The following OPCML variants were observed in gnomAD, a reference collection of about 807,000 sequenced individuals.
OPCML encodes the protein opioid-binding protein/cell adhesion molecule.
Under a neutral mutation model 37.8 loss-of-function variants are expected in OPCML, and 13 were observed. The observed-to-expected ratio is 0.34, with a 90% CI of 0.22 to 0.55. The LOEUF (loss-of-function observed/expected upper bound fraction) is 0.55, where lower values mean the gene tolerates loss of function less well. Among genes scored for constraint, OPCML ranks in the 20% least tolerant of loss-of-function variants. The pLI, the probability that OPCML is intolerant of heterozygous loss-of-function variation, is 0.91. For missense variants in OPCML, 341 were observed against 435.6 expected (o/e 0.78, Z 1.93); for synonymous variants, 176 against 168.8 (o/e 1.04, Z -0.33).
intron 2 of OPCML, among the ~76,000 whole-genome samples, chr11:132,862,404 G>T (rs182254826): frequency 1.3e-5 from 2 of 151,674 alleles, no homozygotes; most frequent in South Asian, 4.2e-4. Context: ...AAAGTGGTAC[G>T]GCAATCCTTA....
At chr11:133,015,275 T>A (rs1433207750) in intron 1 of OPCML, among the ~76,000 whole-genome samples, 3 of 150,282 alleles carry the variant, frequency 2.0e-5, no homozygotes, top group Non-Finnish European at 4.4e-5. Context: ...TTGGCTTCTG[T>A]GTTGGGTAGA....
In OPCML at chr11:133,307,861, TA is replaced by T. The variant is rs1268622943; in HGVS notation, c.61+224402del. Among the ~76,000 whole-genome samples, 243 of 137,614 alleles carry T rather than the reference TA, an allele frequency of 1.8e-3. 5 individuals are homozygous for T. The highest frequency in any genetic ancestry group is 0.012 in the Middle Eastern group (3 of 256). The allele number at this position is 137,614 out of a possible 152,430, so 90.3% of individuals were successfully genotyped here. Reference sequence around the variant, plus strand: ...CTCTTGTTTCCAAGTTTTTTTTTTTTAAATTTTACCTCCCAAGCAAGTTATC... The same window carrying T: ...CTCTTGTTTCCAAGTTTTTTTTTTTTAATTTTACCTCCCAAGCAAGTTATC... On this transcript the variant is annotated intron_variant, in intron 1 of 7. Transcript: ENST00000524381.
intron 1 of OPCML, among the ~76,000 whole-genome samples, chr11:133,393,406 T>C (rs926649203): frequency 1.3e-5 from 2 of 152,228 alleles, no homozygotes; most frequent in African/African-American, 4.8e-5. Flanking sequence ...GGTGACCTTA[T>C]AGACCACAGA....
chr11:132,984,834 G>C (rs1011533867), intron 1 of OPCML, among the ~76,000 whole-genome samples: 3 of 152,178 alleles, frequency 2.0e-5, no homozygotes, highest in Non-Finnish European at 4.4e-5. Context: ...TTTCACCCCA[G>C]TAGTGTTCTG....
intron 1 of OPCML, among the ~76,000 whole-genome samples, chr11:133,115,561 G>GA (rs113717493): frequency 0.025 from 3,834 of 151,558 alleles, 51 homozygotes; most frequent in Non-Finnish European, 0.029. Flanking sequence ...AAAAAAGACA[G>GA]AAAAAAAACC....
intron 3 of OPCML, among the ~76,000 whole-genome samples, chr11:132,652,385 C>CAG (rs796799724): frequency 0.017 from 2,113 of 126,908 alleles, 23 homozygotes; most frequent in Non-Finnish European, 0.024. Flanking sequence ...CACACACACA[C>CAG]AGAGAGAGAA....
At position 133,202,292 on chromosome 11, in the gene OPCML, T is replaced by TC. The variant is rs1938833308; in HGVS notation, c.62-259283dup. Among the ~76,000 whole-genome samples, 3 of 152,084 alleles carry TC rather than the reference T, an allele frequency of 2.0e-5. No homozygotes were observed. The South Asian group carries it at 6.2e-4, about 32-fold the overall frequency. ...CAGTCCTACCTGTCCGCCGAACCCA[T>TC]CCTCCATCATTTTCCCTCTGCCACC... On this transcript the variant is annotated intron_variant, in intron 1 of 7. Transcript: ENST00000524381.
intron 1 of OPCML, among the ~76,000 whole-genome samples, chr11:133,369,231 T>C (rs1251184289): frequency 1.3e-5 from 2 of 152,226 alleles, no homozygotes; most frequent in Non-Finnish European, 1.5e-5. Flanking sequence ...AAATGAATTA[T>C]CATGTTATGC....
At chr11:132,734,340 T>G (rs973229850) in intron 2 of OPCML, among the ~76,000 whole-genome samples, 1 of 152,138 alleles carries the variant, frequency 6.6e-6, no homozygotes, top group African/African-American at 2.4e-5. Context: ...ACTCCCACAG[T>G]AGCATCACAA....
chr11:132,621,159 T>A (rs1255194601), intron 3 of OPCML, among the ~76,000 whole-genome samples: 1 of 152,222 alleles, frequency 6.6e-6, no homozygotes, highest in African/African-American at 2.4e-5. Flanking sequence ...AGGCTAATAA[T>A]ACTGTCTTGC....
chr11:132,782,921 A>G lies in OPCML; in HGVS notation c.147-125602T>C, dbSNP rs866276104. ...TGTAATATATATATAGTGTGTGTAT[A>G]TATATATATATATATATATATATAT... On this transcript the variant is annotated intron_variant, in intron 2 of 7. Transcript: ENST00000524381. Among the ~76,000 whole-genome samples the G allele has an allele frequency of 6.9e-3, 889 of 129,080 alleles. 12 individuals carry two copies. Among genetic ancestry groups the G allele is most frequent in the African/African-American group, 0.026 (827 of 31,916 alleles). 84.7% of individuals were successfully genotyped at this position (129,080 alleles called of 152,430 possible). A position where few individuals can be genotyped will look rare whatever the true frequency, so the allele number is the denominator to read the frequency against.
intron 1 of OPCML, among the ~76,000 whole-genome samples, chr11:133,099,026 G>A (rs894546890): frequency 3.9e-5 from 6 of 151,932 alleles, no homozygotes; most frequent in Non-Finnish European, 8.8e-5. Context: ...CCTATATACC[G>A]GCAATGAACA....
intron 2 of OPCML, among the ~76,000 whole-genome samples, chr11:132,886,021 T>G (rs966155492): frequency 6.6e-6 from 1 of 152,152 alleles, no homozygotes; most frequent in African/African-American, 2.4e-5. Flanking sequence ...TCCACTAGCT[T>G]TTTTCAATTG....
At chr11:132,639,659 C>T (rs1940732990) in intron 3 of OPCML, among the ~76,000 whole-genome samples, 1 of 152,170 alleles carries the variant, frequency 6.6e-6, no homozygotes, top group Non-Finnish European at 1.5e-5. Context: ...GCAAGTTGGT[C>T]TGGCCCTCAG....
At chr11:133,027,313 TAAGTGCTAAGA>T (rs1231086784) in intron 1 of OPCML, among the ~76,000 whole-genome samples, 4 of 152,260 alleles carry the variant, frequency 2.6e-5, no homozygotes, top group Non-Finnish European at 5.9e-5. Flanking sequence ...TAATTTATGC[TAAGTGCTAAGA>T]AAGTGCTGAG....
chr11:132,891,751 C>T lies in OPCML; in HGVS notation c.146+51175G>A, dbSNP rs1200440350. ...AAATATTTTGGATAATATCTTGTCA[C>T]CTCTAATTTCATTCAAATATTGTCT... On this transcript the variant is annotated intron_variant, in intron 2 of 7. Coordinates refer to ENST00000524381, the MANE Select transcript of OPCML (RefSeq NM_001012393.5). Among the ~76,000 whole-genome samples, 3 of 152,304 alleles carry T rather than the reference C, an allele frequency of 2.0e-5. No individual in the cohort carries two copies. The East Asian group carries it at 5.8e-4, about 29-fold the overall frequency.
intron 2 of OPCML, among the ~76,000 whole-genome samples, chr11:132,707,835 A>C (rs1293606438): frequency 6.6e-6 from 1 of 152,196 alleles, no homozygotes; most frequent in Non-Finnish European, 1.5e-5. Flanking sequence ...ATGAACAAGC[A>C]TATTTACAGT....
At chr11:133,246,499 T>C (rs552613484) in intron 1 of OPCML, among the ~76,000 whole-genome samples, 1 of 152,168 alleles carries the variant, frequency 6.6e-6, no homozygotes, top group African/African-American at 2.4e-5. Flanking sequence ...GGGGACAGTA[T>C]TGGGCACACC....
intron 1 of OPCML, among the ~76,000 whole-genome samples, chr11:133,167,159 G>C (rs1211053549): frequency 5.9e-5 from 9 of 152,184 alleles, no homozygotes; most frequent in Non-Finnish European, 1.3e-4. Flanking sequence ...GGCCGGCGCT[G>C]GAAGGCTGCT....
Sources: allele counts gnomAD v4.1 joint callset (sites outside exome capture counted in the v4.1 genomes callset), GRCh38; gene constraint gnomAD v4.1.1; transcripts MANE v1.5; gene names NCBI Gene and HGNC (gene_info 2026-07-23, HGNC 2026-07-21).